Variants in CDH18 observed in about 807,000 individuals in gnomAD.
CDH18 encodes the protein cadherin 18, also known as cadherin-18.
A neutral mutation model predicts 67.9 loss-of-function variants in CDH18; 31 were observed. That is an observed-to-expected ratio of 0.46 (90% confidence interval 0.34 to 0.62). The LOEUF (loss-of-function observed/expected upper bound fraction) is 0.62. CDH18 is among the 20% of genes least tolerant of loss of function. The pLI is 0.01. For synonymous variants in CDH18, 362 were observed against 347.2 expected (o/e 1.04, Z -0.48); for missense variants, 890 against 975.5 (o/e 0.91, Z 1.17).
chr5:20,552,378 G>A (rs1368123302), intron 1 of CDH18, among the ~76,000 whole-genome samples: 1 of 152,106 alleles, frequency 6.6e-6, no homozygotes, highest in Non-Finnish European at 1.5e-5. Flanking sequence ...TTGAGAGGCT[G>A]AGGCAGGAGA....
Position 20,442,854 on chromosome 5 carries a change from A to G in CDH18, c.-580+132608T>C, listed in dbSNP as rs116562328. On this transcript the variant is annotated intron_variant, in intron 1 of 14. Transcript: ENST00000507958. ...TTAATTGTACAAATATTCAGATACA[A>G]TGGATCAGATATGTAGACACTACTA... Among the ~76,000 whole-genome samples, 602 of 151,998 alleles carry G rather than the reference A, an allele frequency of 4.0e-3. 21 individuals carry two copies. Among genetic ancestry groups the G allele is most frequent in the African/African-American group, 0.013 (540 of 41,264 alleles).
intron 2 of CDH18, among the ~76,000 whole-genome samples, chr5:19,943,195 TGTTTGG>T (rs1271579101): frequency 6.6e-6 from 1 of 152,088 alleles, no homozygotes; most frequent in African/African-American, 2.4e-5. Flanking sequence ...TTGTTGTTGT[TGTTTGG>T]GGGGGTAAGA....
chr5:20,364,881 A>G (rs1742385302), intron 1 of CDH18, among the ~76,000 whole-genome samples: 1 of 152,198 alleles, frequency 6.6e-6, no homozygotes, highest in African/African-American at 2.4e-5. Flanking sequence ...TAAGTTTGAT[A>G]AAGAATAAAT....
chr5:20,133,356 C>T (rs1749428707), intron 2 of CDH18, among the ~76,000 whole-genome samples: 2 of 152,060 alleles, frequency 1.3e-5, no homozygotes, highest in South Asian at 4.1e-4. Context: ...TGCGGATGAA[C>T]TGCCCTTTAT....
rs112844705 is a variant in CDH18, at chr5:20,551,519, G to A, written c.-580+23943C>T. ...TGCTGTTAATAGAAACAGAGAAAGA[G>A]ACACTTTCCTGGCTTGGTACACCTA... On this transcript the variant is annotated intron_variant, in intron 1 of 14. Transcript: ENST00000507958. Among the ~76,000 whole-genome samples, 188 of 152,186 alleles carry A rather than the reference G, an allele frequency of 1.2e-3. 1 individual carries two copies. The highest frequency in any genetic ancestry group is 4.2e-3 in the African/African-American group (176 of 41,550).
intron 5 of CDH18, among the ~76,000 whole-genome samples, chr5:19,707,365 A>G (rs1330448228): frequency 6.6e-6 from 1 of 152,204 alleles, no homozygotes; most frequent in Non-Finnish European, 1.5e-5. Context: ...GGTGATCACC[A>G]TTGCCTAGAG....
At chr5:20,480,320 GACT>G (rs1366355483) in intron 1 of CDH18, among the ~76,000 whole-genome samples, 3 of 152,202 alleles carry the variant, frequency 2.0e-5, no homozygotes, top group Middle Eastern at 3.4e-3. Context: ...CAAAAATAAT[GACT>G]ACAACAACTT....
intron 1 of CDH18, among the ~76,000 whole-genome samples, chr5:20,309,761 G>A (rs987119472): frequency 9.9e-5 from 15 of 152,024 alleles, no homozygotes; most frequent in Admixed American, 2.0e-4. Context: ...ATCATAGCTG[G>A]GTAGCAAATG....
intron 2 of CDH18, among the ~76,000 whole-genome samples, chr5:20,067,764 C>T (rs2150519746): frequency 6.6e-6 from 1 of 152,184 alleles, no homozygotes; most frequent in African/African-American, 2.4e-5. Flanking sequence ...TGAACATTCC[C>T]ATATTTCACC....
At chr5:20,072,011 C>T (rs906906499) in intron 2 of CDH18, among the ~76,000 whole-genome samples, 9 of 152,038 alleles carry the variant, frequency 5.9e-5, no homozygotes, top group Non-Finnish European at 1.2e-4. Flanking sequence ...CTCGTTATTA[C>T]TAACATTGGG....
chr5:20,520,743 C>T (rs1362127134), intron 1 of CDH18, among the ~76,000 whole-genome samples: 1 of 152,036 alleles, frequency 6.6e-6, no homozygotes, highest in African/African-American at 2.4e-5. Flanking sequence ...AGGGGATAAT[C>T]TAGTTTTGAA....
At chr5:19,947,605 A>T (rs2150251462) in intron 2 of CDH18, among the ~76,000 whole-genome samples, 1 of 133,348 alleles carries the variant, frequency 7.5e-6, no homozygotes. Flanking sequence ...AAAAAAAAAA[A>T]AAAAAAAAAA....
intron 5 of CDH18, among the ~76,000 whole-genome samples, chr5:19,617,340 A>T (rs563787972): frequency 6.6e-6 from 1 of 152,266 alleles, no homozygotes; most frequent in South Asian, 2.1e-4. Context: ...AGTATGTTTT[A>T]TTTGTTTGGT....
chr5:20,076,817 C>T (rs900867298), intron 2 of CDH18, among the ~76,000 whole-genome samples: 2 of 151,946 alleles, frequency 1.3e-5, no homozygotes, highest in African/African-American at 4.8e-5. Context: ...CTTTATCAAC[C>T]TTTTGATATA....
chr5:20,390,971 C>A (rs1438965938), intron 1 of CDH18, among the ~76,000 whole-genome samples: 2 of 151,782 alleles, frequency 1.3e-5, no homozygotes, highest in East Asian at 1.9e-4. Context: ...ACGTCACACA[C>A]TGGGGCCTGT....
intron 1 of CDH18, among the ~76,000 whole-genome samples, chr5:20,491,944 A>G (rs545173726): frequency 1.3e-4 from 19 of 151,530 alleles, no homozygotes; most frequent in African/African-American, 3.6e-4. Flanking sequence ...TATTCTACCT[A>G]TTTTTTCTAA....
intron 5 of CDH18, among the ~76,000 whole-genome samples, chr5:19,653,116 G>C (rs1427505270): frequency 6.6e-6 from 1 of 151,266 alleles, no homozygotes; most frequent in Non-Finnish European, 1.5e-5. Flanking sequence ...CAATATATTA[G>C]GTTGTTGCGA....
intron 2 of CDH18, among the ~76,000 whole-genome samples, chr5:20,172,948 C>T (rs6881385): frequency 6.6e-6 from 1 of 150,750 alleles, no homozygotes; most frequent in East Asian, 2.0e-4. Flanking sequence ...CGAGATCGCA[C>T]CATTTCACTC....
chr5:19,925,166 G>C (rs1434943942), intron 2 of CDH18, among the ~76,000 whole-genome samples: 2 of 152,096 alleles, frequency 1.3e-5, no homozygotes, highest in South Asian at 2.1e-4. Flanking sequence ...TGCATTTATC[G>C]ATAAGGTAAG....
Sources: allele counts gnomAD v4.1 joint callset (sites outside exome capture counted in the v4.1 genomes callset), GRCh38; gene constraint gnomAD v4.1.1; transcripts MANE v1.5; gene names NCBI Gene and HGNC (gene_info 2026-07-23, HGNC 2026-07-21).